ASH1L: variants seen among roughly 807,000 people sequenced by gnomAD.
ASH1L encodes the protein histone-lysine N-methyltransferase ASH1L.
Under a neutral mutation model 269.0 loss-of-function variants are expected in ASH1L, and 23 were observed. The observed-to-expected ratio is 0.09, with a 90% CI of 0.06 to 0.12. The LOEUF (loss-of-function observed/expected upper bound fraction) is 0.12, where lower values mean the gene tolerates loss of function less well. ASH1L is among the 10% of genes least tolerant of loss of function. The pLI is 1.00. For synonymous variants in ASH1L, 1,187 were observed against 1,253.5 expected, an observed-to-expected ratio of 0.95 and a Z score of 1.12; for missense variants, 2,912 against 3,567.8, an observed-to-expected ratio of 0.82 and a Z score of 4.68.
chr1:155,521,789 T>G (rs1187756175), intron 1 of ASH1L, among the ~76,000 whole-genome samples, 171 bp from the exon 2 acceptor site: 14 of 152,204 alleles, frequency 9.2e-5, no homozygotes, highest in Admixed American at 9.2e-4. Context: ...ATAAATACAT[T>G]TAAAATTCAG....
chr1:155,535,908 GA>G lies in ASH1L; in HGVS notation c.-99-14291del, dbSNP rs1444659730. On this transcript the variant is annotated intron_variant, in intron 1 of 27. Coordinates refer to ENST00000392403, the MANE Select transcript of ASH1L (RefSeq NM_018489.3). Reference sequence around the variant, plus strand: ...AGCTACTCAGGACGCTGAGGCAGGAGAATCTCTTGAACCTGGGAGGCAGAGA... The same window carrying G: ...AGCTACTCAGGACGCTGAGGCAGGAGATCTCTTGAACCTGGGAGGCAGAGA... 2.6e-5 allele frequency among the ~76,000 whole-genome samples: 4 copies of G among 151,800 alleles called. No individual in the cohort carries two copies. In the East Asian group the frequency reaches 7.7e-4, roughly 29 times the overall value.
intron 12 of ASH1L, among the ~76,000 whole-genome samples, chr1:155,369,747 G>C (rs974180038): frequency 6.6e-6 from 1 of 152,100 alleles, no homozygotes; most frequent in African/African-American, 2.4e-5. Context: ...CTAGCACATA[G>C]TAAGAACTCA....
rs184225059 is a variant in ASH1L at position 155,530,804 on chromosome 1, C to T, written c.-99-9186G>A. 1.3e-3 allele frequency among the ~76,000 whole-genome samples: 196 copies of T among 152,000 alleles called. 1 individual carries two copies. In the East Asian group the frequency reaches 0.034, roughly 26 times the overall value. On this transcript the variant is annotated intron_variant, in intron 1 of 27. Transcript: ENST00000392403. ...GCACGTGCCTATCGTCCCAGCTACC[C>T]AGGAGGCTGAGGTGGGAGGATCACC...
At chr1:155,546,124 C>T (rs912811746) in intron 1 of ASH1L, among the ~76,000 whole-genome samples, 14 of 145,990 alleles carry the variant, frequency 9.6e-5, no homozygotes, top group Non-Finnish European at 1.9e-4. Context: ...TGCCACTGCA[C>T]GCCAGCTTGG....
intron 2 of ASH1L, among the ~76,000 whole-genome samples, chr1:155,518,042 C>T (rs928058280): frequency 4.6e-5 from 7 of 151,896 alleles, no homozygotes; most frequent in East Asian, 1.9e-4. Context: ...CCTCGTGATC[C>T]GCCCGCCTCG....
At chr1:155,509,554 T>C (rs1451323836) in intron 2 of ASH1L, among the ~76,000 whole-genome samples, 1 of 152,184 alleles carries the variant, frequency 6.6e-6, no homozygotes, top group African/African-American at 2.4e-5. Context: ...TCCCCAGCAC[T>C]TTGGGAGGCC....
intron 6 of ASH1L, among the ~76,000 whole-genome samples, chr1:155,409,405 A>C (rs1409555309): frequency 6.6e-6 from 1 of 152,182 alleles, no homozygotes; most frequent in Non-Finnish European, 1.5e-5. Flanking sequence ...AAAAAGACTG[A>C]TAGAGAACAA....
intron 5 of ASH1L, chr1:155,433,741 T>G: frequency 6.2e-7 from 1 of 1,603,634 alleles, no homozygotes; most frequent in Non-Finnish European, 8.5e-7. Context: ...TCTGCCGCTT[T>G]GAGGGTCTGC....
intron 12 of ASH1L, among the ~76,000 whole-genome samples, chr1:155,362,198 C>A (rs1655025321): frequency 6.6e-6 from 1 of 151,892 alleles, no homozygotes; most frequent in Non-Finnish European, 1.5e-5. Flanking sequence ...CCACGCCCAG[C>A]TACTTTTTCA....
In ASH1L at chr1:155,479,443, C is replaced by T; in HGVS notation, c.3427G>A (p.Gly1143Ser). 2 of 1,614,152 alleles carry T rather than the reference C, an allele frequency of 1.2e-6. No homozygotes were observed. Among genetic ancestry groups the T allele is most frequent in the African/African-American group, 1.3e-5 (1 of 75,030 alleles). Residue 1143 changes from glycine to serine, a missense_variant, in exon 3 of 28, where the codon GGC becomes AGC. Coordinates refer to ENST00000392403, the MANE Select transcript of ASH1L (RefSeq NM_018489.3). ...ATTGCAAGAGTCTGAATCATACTGC[C>T]CTGTCTGGAGTGTAAATGCAAATAT... ...VPYLHLHSRQ[G>S]SMIQTLAMKK...
intron 6 of ASH1L, among the ~76,000 whole-genome samples, chr1:155,399,696 T>A (rs1273185482): frequency 7.3e-6 from 1 of 137,394 alleles, no homozygotes; most frequent in African/African-American, 2.7e-5. Flanking sequence ...CACTACTTAC[T>A]AGGAGGAGAT....
chr1:155,444,443 G>T (rs1258987364), intron 4 of ASH1L, among the ~76,000 whole-genome samples: 3 of 152,062 alleles, frequency 2.0e-5, no homozygotes, highest in Non-Finnish European at 4.4e-5. Context: ...TAATGGGTGT[G>T]TTCTCATTTA....
chr1:155,357,108 C>T (rs1441386648), intron 15 of ASH1L, among the ~76,000 whole-genome samples: 3 of 103,290 alleles, frequency 2.9e-5, no homozygotes, highest in African/African-American at 1.2e-4. Flanking sequence ...CACACACACA[C>T]ACACACACAC....
At chr1:155,424,389 C>T (rs1263926347) in intron 5 of ASH1L, among the ~76,000 whole-genome samples, 1 of 151,838 alleles carries the variant, frequency 6.6e-6, no homozygotes, top group Non-Finnish European at 1.5e-5. Flanking sequence ...GAAATTATTA[C>T]AGTAGTACAG....
At chr1:155,501,993 A>G (rs916500164) in intron 2 of ASH1L, among the ~76,000 whole-genome samples, 1 of 151,352 alleles carries the variant, frequency 6.6e-6, no homozygotes, top group African/African-American at 2.4e-5. Flanking sequence ...TGAAAGTTTT[A>G]CTATATATTT....
intron 1 of ASH1L, among the ~76,000 whole-genome samples, chr1:155,550,250 C>G (rs897693092): frequency 6.6e-6 from 1 of 152,150 alleles, no homozygotes; most frequent in Non-Finnish European, 1.5e-5. Context: ...AAACTCCTGA[C>G]CTCGTGATCC....
intron 5 of ASH1L, among the ~76,000 whole-genome samples, chr1:155,429,902 C>G (rs1320791430): frequency 1.3e-5 from 2 of 152,034 alleles, no homozygotes; most frequent in Non-Finnish European, 2.9e-5. Flanking sequence ...TGGACAAGCT[C>G]AAGCAATCCC....
intron 5 of ASH1L, among the ~76,000 whole-genome samples, chr1:155,418,238 T>C (rs1660378269): frequency 6.6e-6 from 1 of 152,054 alleles, no homozygotes; most frequent in Non-Finnish European, 1.5e-5. Context: ...AAAATAACTT[T>C]AAAATACTAC....
intron 2 of ASH1L, among the ~76,000 whole-genome samples, chr1:155,503,860 G>C (rs958538808): frequency 2.0e-5 from 3 of 152,152 alleles, no homozygotes; most frequent in Non-Finnish European, 4.4e-5. Context: ...GAGTAGCTGG[G>C]ACAACAGGTG....
Sources: allele counts gnomAD v4.1 joint callset (sites outside exome capture counted in the v4.1 genomes callset), GRCh38; gene constraint gnomAD v4.1.1; transcripts MANE v1.5; gene names NCBI Gene and HGNC (gene_info 2026-07-23, HGNC 2026-07-21).